Variants in TERF2 observed in about 807,000 individuals in gnomAD.
TERF2 encodes the protein telomeric repeat-binding factor 2.
A neutral mutation model predicts 56.1 loss-of-function variants in TERF2; 16 were observed. That is an observed-to-expected ratio of 0.29 (90% CI 0.19 to 0.43). TERF2 has a LOEUF of 0.43. Among genes scored for constraint, TERF2 ranks in the 20% least tolerant of loss-of-function variants. The pLI is 1.00. For missense variants in TERF2, 547 were observed against 712.9 expected (o/e 0.77, Z 2.65); for synonymous variants, 296 against 282.1 (o/e 1.05, Z -0.50).
intron 2 of TERF2, among the ~76,000 whole-genome samples, chr16:69,384,999 A>G (rs1275435253): frequency 6.6e-6 from 1 of 152,212 alleles, no homozygotes; most frequent in African/African-American, 2.4e-5. Context: ...CTCCTCAGAT[A>G]CGAGTGGCAA....
At chr16:69,357,851 T>C (rs915535081) in intron 8 of TERF2, among the ~76,000 whole-genome samples, 23 of 148,964 alleles carry the variant, frequency 1.5e-4, no homozygotes, top group African/African-American at 4.9e-4. Flanking sequence ...GTTTTCTTTT[T>C]TTTTTTTTTT....
At chr16:69,360,477 A>G (rs569843394) in intron 8 of TERF2, among the ~76,000 whole-genome samples, 1 of 152,036 alleles carries the variant, frequency 6.6e-6, no homozygotes, top group Admixed American at 6.5e-5. Context: ...GATGAGGCAG[A>G]CAGATTGCTT....
intron 3 of TERF2, 54 bp downstream of exon 3, chr16:69,384,526 T>C (rs1300393573): frequency 6.9e-6 from 11 of 1,588,584 alleles, no homozygotes; most frequent in Non-Finnish European, 9.4e-6. Flanking sequence ...TGCTGTATCC[T>C]CAAAGACCCT....
intron 6 of TERF2, among the ~76,000 whole-genome samples, 187 bp from the exon 7 acceptor site, chr16:69,367,386 T>G (rs1000569172): frequency 6.6e-6 from 1 of 152,142 alleles, no homozygotes; most frequent in Admixed American, 6.5e-5. Context: ...CATTTTATTT[T>G]TAGAGATAGG....
intron 2 of TERF2, among the ~76,000 whole-genome samples, chr16:69,385,093 C>A (rs1367082748): frequency 6.6e-6 from 1 of 152,006 alleles, no homozygotes; most frequent in Non-Finnish European, 1.5e-5. Context: ...AAACTCTCTA[C>A]CATGGGGGAA....
intron 2 of TERF2, 40 bp from the exon 3 acceptor site, chr16:69,384,750 A>G: frequency 6.5e-7 from 1 of 1,529,574 alleles, no homozygotes; most frequent in Non-Finnish European, 8.8e-7. Flanking sequence ...GCTCTTTTCT[A>G]AGGGTAAAAA....
At chr16:69,363,911 G>T (rs2013241262) in intron 7 of TERF2, among the ~76,000 whole-genome samples, 2 of 152,112 alleles carry the variant, frequency 1.3e-5, no homozygotes, top group South Asian at 4.1e-4. Flanking sequence ...GAACCTGGGA[G>T]GCAGAGGTTG....
intron 9 of TERF2, among the ~76,000 whole-genome samples, 189 bp from the exon 10 acceptor site, chr16:69,357,245 T>C (rs2012939235): frequency 2.0e-5 from 3 of 152,376 alleles, no homozygotes; most frequent in East Asian, 3.9e-4. Flanking sequence ...GAATTCTTGA[T>C]GTCCTGCCAT....
chr16:69,363,629 T>G (rs1363421920), intron 7 of TERF2, among the ~76,000 whole-genome samples: 1 of 152,032 alleles, frequency 6.6e-6, no homozygotes, highest in African/African-American at 2.4e-5. Context: ...CCATGAAGCT[T>G]GGGGTGAGAA....
intron 6 of TERF2, 74 bp from the exon 7 acceptor site, chr16:69,367,273 G>T: frequency 6.7e-7 from 1 of 1,486,950 alleles, no homozygotes; most frequent in Non-Finnish European, 9.0e-7. Context: ...CAACTTTTTT[G>T]AAGTTTGAAG....
In TERF2 at chr16:69,384,664, A is replaced by G; in HGVS notation, c.522T>C (p.Ala174=). The part of the protein sequence containing the change: ...MEAELTPLES[A]INVLEMIKTE... ...TTTTAATCATCTCCAGCACATTGAT[A>G]GCTGATTCCAGTGGTGTGAGCTCAG... The change falls in exon 3 of 10, where the codon GCT becomes GCC. Residue 174 remains alanine, a synonymous_variant. Coordinates refer to ENST00000254942, the MANE Select transcript of TERF2 (RefSeq NM_005652.5). The G allele has an allele frequency of 6.2e-7, 1 of 1,614,154 alleles. No homozygotes were observed. The highest frequency in any genetic ancestry group is 2.2e-5 in the East Asian group (1 of 44,882).
intron 5 of TERF2, among the ~76,000 whole-genome samples, chr16:69,369,252 A>G (rs549781995): frequency 6.6e-6 from 1 of 152,198 alleles, no homozygotes; most frequent in Non-Finnish European, 1.5e-5. Context: ...GAGATTTGCC[A>G]AACGACTGCT....
intron 7 of TERF2, 118 bp from the exon 8 acceptor site, chr16:69,361,607 C>A (rs1176707722): frequency 4.0e-6 from 3 of 741,996 alleles, no homozygotes; most frequent in Non-Finnish European, 7.1e-6. Flanking sequence ...TGACCACAAT[C>A]GAGGTTCGCC....
intron 7 of TERF2, chr16:69,365,330 A>C (rs115990284): frequency 2.3e-4 from 35 of 152,240 alleles, no homozygotes; most frequent in African/African-American, 7.2e-4. Flanking sequence ...GTGGTGACAT[A>C]GTGCAAATCT....
chr16:69,375,976 G>A (rs1026022875), intron 3 of TERF2, among the ~76,000 whole-genome samples: 7 of 152,034 alleles, frequency 4.6e-5, no homozygotes, highest in Non-Finnish European at 7.4e-5. Flanking sequence ...TCTTTGTCAG[G>A]TGTGATTTGT....
At chr16:69,371,676 G>A (rs1240656035) in intron 4 of TERF2, among the ~76,000 whole-genome samples, 1 of 152,120 alleles carries the variant, frequency 6.6e-6, no homozygotes, top group South Asian at 2.1e-4. Flanking sequence ...TTAGCCATGT[G>A]TGGTGGCATG....
At position 69,385,730 on chromosome 16, in the gene TERF2, G is replaced by T; in HGVS notation, c.242C>A (p.Ala81Glu). 10 of 1,557,056 alleles carry T rather than the reference G, an allele frequency of 6.4e-6. No individual in the cohort carries two copies. The highest frequency in any genetic ancestry group is 8.7e-6 in the Non-Finnish European group (10 of 1,155,678). ...CCGTGCCTCCCCCGCGCCGCGCTCCGCCGGGCCCCCCAGCCCCGGCTCGTG... is the reference window on the plus strand; with the variant it reads ...CCGTGCCTCCCCCGCGCCGCGCTCCTCCGGGCCCCCCAGCCCCGGCTCGTG... Reference protein sequence around the residue: ...GRHEPGLGGPAERGAGEARLE... With the variant: ...GRHEPGLGGPEERGAGEARLE... Residue 81 changes from alanine (A) to glutamate (E), a missense_variant, in exon 1 of 10, where the codon GCG becomes GAG. Transcript: ENST00000254942.
At chr16:69,364,430 C>T (rs1442164300) in intron 7 of TERF2, among the ~76,000 whole-genome samples, 1 of 152,124 alleles carries the variant, frequency 6.6e-6, no homozygotes, top group Admixed American at 6.6e-5. Flanking sequence ...TAGCCAGGAG[C>T]CTGGGAATAT....
chr16:69,368,685 C>T (rs555191575), intron 5 of TERF2: 17 of 1,366,542 alleles, frequency 1.2e-5, no homozygotes, highest in South Asian at 8.7e-5. Context: ...ATAACTAATA[C>T]ATTTTTTTTG....
Sources: allele counts gnomAD v4.1 joint callset (sites outside exome capture counted in the v4.1 genomes callset), GRCh38; gene constraint gnomAD v4.1.1; transcripts MANE v1.5; gene names NCBI Gene and HGNC (gene_info 2026-07-23, HGNC 2026-07-21).